The following IARS1 variants were observed in gnomAD, a reference collection of about 807,000 sequenced individuals.
The protein encoded by IARS1 is isoleucine--tRNA ligase, cytoplasmic.
In IARS1, 124 loss-of-function variants were observed where a neutral mutation model predicts 168.2. The observed-to-expected ratio is 0.74, with a 90% confidence interval of 0.64 to 0.86. The LOEUF (loss-of-function observed/expected upper bound fraction) is 0.86, where lower values mean the gene tolerates loss of function less well. Ranked by LOEUF, IARS1 falls within the 40% of genes least tolerant of loss-of-function variation. The pLI, the probability that IARS1 is intolerant of heterozygous loss-of-function variation, is 0.00. For missense variants in IARS1, 1,452 were observed against 1,515.8 expected, an observed-to-expected ratio of 0.96 and a Z score of 0.70; for synonymous variants, 532 against 529.4, an observed-to-expected ratio of 1.00 and a Z score of -0.07.
intron 15 of IARS1, 83 bp downstream of exon 15, chr9:92,265,397 T>C (rs2133829493): frequency 8.1e-7 from 1 of 1,231,374 alleles, no homozygotes; most frequent in Non-Finnish European, 1.2e-6. Flanking sequence ...GTCACTTCCA[T>C]GTGTGGCTCT....
intron 33 of IARS1, among the ~76,000 whole-genome samples, chr9:92,217,904 A>C (rs921413490): frequency 1.4e-4 from 21 of 152,104 alleles, no homozygotes; most frequent in African/African-American, 4.8e-4. Context: ...AAAAGAGGGA[A>C]TCCTCCCTAA....
intron 5 of IARS1, chr9:92,286,048 T>C (rs1468743913): frequency 4.0e-6 from 2 of 493,940 alleles, no homozygotes; most frequent in Non-Finnish European, 7.3e-6. Context: ...TGATATCGAA[T>C]GATATTTAAC....
rs370721957 is a variant in IARS1, at chr9:92,290,196, C to A, written c.-7-770G>T. 1.8e-4 allele frequency among the ~76,000 whole-genome samples: 28 copies of A among 152,284 alleles called. No individual in the cohort carries two copies. The East Asian group carries it at 3.9e-3, about 21-fold the overall frequency. On this transcript the variant is annotated intron_variant, in intron 1 of 33. Transcript: ENST00000443024. ...CAGCAGTGAATGAGGATTCTAATTT[C>A]TTCAGATCTTACCCAACACATCTTA...
chr9:92,263,483 T>C (rs1369906873), intron 16 of IARS1, among the ~76,000 whole-genome samples: 1 of 152,236 alleles, frequency 6.6e-6, no homozygotes, highest in Admixed American at 6.5e-5. Flanking sequence ...TAGAAAATGC[T>C]TTTATTCTGT....
intron 30 of IARS1, chr9:92,240,192 T>A (rs117268222): frequency 1.3e-5 from 2 of 157,650 alleles, no homozygotes; most frequent in Admixed American, 1.2e-4. Context: ...GCAGGAGGAA[T>A]AGGGAAAACT....
At chr9:92,265,345 G>T in intron 15 of IARS1, 135 bp downstream of exon 15, 1 of 870,708 alleles carries the variant, frequency 1.1e-6, no homozygotes, top group African/African-American at 1.7e-5. Context: ...CCACAATACT[G>T]CAATATGACA....
At chr9:92,258,572 A>G (rs958233275) in intron 19 of IARS1, among the ~76,000 whole-genome samples, 1 of 152,042 alleles carries the variant, frequency 6.6e-6, no homozygotes, top group Non-Finnish European at 1.5e-5. Flanking sequence ...TCTGGGTGAC[A>G]AGACTGAGAC....
Position 92,258,906 on chromosome 9 carries a change from G to C in IARS1, c.1964C>G (p.Pro655Arg). ...VRDVLKDVLLPWYNAYRFLIQ... is the reference protein window; with the variant it reads ...VRDVLKDVLLRWYNAYRFLIQ... ...TAAGAAGCGATAGGCATTGTACCAT[G>C]GGAGCAGTACATCCTTAAGGACGTC... The change falls in exon 19 of 34, where the codon CCA (proline) becomes CGA (arginine). Residue 655 changes from proline to arginine, a missense_variant. Transcript: ENST00000443024. The C allele has an allele frequency of 1.2e-6, 2 of 1,613,972 alleles. No individual in the cohort carries two copies. Among genetic ancestry groups the C allele is most frequent in the Non-Finnish European group, 8.5e-7 (1 of 1,179,954 alleles).
At chr9:92,257,409 T>C (rs761915568) in intron 19 of IARS1, among the ~76,000 whole-genome samples, 3 of 152,188 alleles carry the variant, frequency 2.0e-5, no homozygotes, top group Non-Finnish European at 2.9e-5. Context: ...GTCTTGCTGG[T>C]ATATTCAGAT....
rs772756323 is a variant in IARS1 at position 92,271,506 on chromosome 9, C to T, written c.1113+27G>A. On this transcript the variant is annotated intron_variant, in intron 11 of 33. Transcript: ENST00000443024. ...AGAGACTAATCAGAAGTAACAGTCACCCTTCTATGCTATATGGATTACAGA... is the reference window on the plus strand; with the variant it reads ...AGAGACTAATCAGAAGTAACAGTCATCCTTCTATGCTATATGGATTACAGA... 14 of 1,612,412 alleles carry T rather than the reference C, an allele frequency of 8.7e-6. No homozygotes were observed. In the South Asian group the frequency reaches 1.1e-4, roughly 13 times the overall value.
intron 30 of IARS1, among the ~76,000 whole-genome samples, 197 bp from the exon 31 acceptor site, chr9:92,229,323 T>A (rs1826272982): frequency 6.6e-6 from 1 of 150,870 alleles, no homozygotes; most frequent in South Asian, 2.1e-4. Flanking sequence ...TATATACATA[T>A]ATATACATAT....
Position 92,242,493 on chromosome 9 carries a change from A to C in IARS1, c.3001-163T>G, listed in dbSNP as rs549579057. 4 of 591,780 alleles carry C rather than the reference A, an allele frequency of 6.8e-6. No homozygotes were observed. The African/African-American group carries it at 7.4e-5, about 11-fold the overall frequency. 36.7% of individuals were successfully genotyped at this position (591,780 alleles called of 1,614,324 possible). A position where few individuals can be genotyped will look rare whatever the true frequency, so the allele number is the denominator to read the frequency against. Reference sequence around the variant, plus strand: ...GTGATCCGTAAGACTAACTGCACTCAGTACATGATTAACTTTGTGTCTTTT... The same window carrying C: ...GTGATCCGTAAGACTAACTGCACTCCGTACATGATTAACTTTGTGTCTTTT... On this transcript the variant is annotated intron_variant, in intron 28 of 33. Transcript: ENST00000443024.
Position 92,250,615 on chromosome 9 carries a change from G to C in IARS1, c.2429+98C>G, listed in dbSNP as rs937160850. The C allele has an allele frequency of 1.5e-5, 20 of 1,336,972 alleles. No individual in the cohort carries two copies. In the African/African-American group the frequency reaches 2.9e-4, roughly 20 times the overall value. The allele number at this position is 1,336,972 out of a possible 1,614,324, so 82.8% of individuals were successfully genotyped here. ...CAGCTGGGGCGGGAGGCAAGGCACA[G>C]ATGGAGCTGGAGCAGGGAAATCCCT... is the stretch of plus-strand genomic sequence containing the variant. On this transcript the variant is annotated intron_variant, in intron 23 of 33. Transcript: ENST00000443024.
In IARS1 at chr9:92,211,611, C is replaced by T. The variant is rs1001070256; in HGVS notation, c.3707-722G>A. ...CAGACTCCTGGAGCCTTCTGGAGGA[C>T]TATGCCATCACTTCACAGTTTGGCT... is the stretch of plus-strand genomic sequence containing the variant. On this transcript the variant is annotated intron_variant, in intron 33 of 33. Coordinates refer to ENST00000443024, the MANE Select transcript of IARS1 (RefSeq NM_002161.6). 2.0e-5 allele frequency among the ~76,000 whole-genome samples: 3 copies of T among 152,108 alleles called. No individual in the cohort carries two copies. In the East Asian group the frequency reaches 5.8e-4, roughly 29 times the overall value.
intron 20 of IARS1, chr9:92,256,442 G>T: frequency 4.0e-6 from 1 of 247,310 alleles, no homozygotes; most frequent in Non-Finnish European, 7.7e-6. Context: ...GCCTGCCTTG[G>T]TCTCCCAAAA....
chr9:92,263,026 G>A lies in IARS1; in HGVS notation c.1730C>T (p.Ala577Val). Reference protein sequence around the residue: ...WFYTLLVLATALFGQPPFKNV... With the variant: ...WFYTLLVLATVLFGQPPFKNV... ...CTTGAAAGGCGGTTGTCCAAAGAGG[G>A]CCGTGGCCAGCACCAGCAGGGTATA... The change falls in exon 17 of 34, where the codon GCC becomes GTC. Residue 577 changes from alanine to valine, a missense_variant. By Grantham distance (64) the Ala-to-Val change is moderately conservative. Coordinates refer to ENST00000443024, the MANE Select transcript of IARS1 (RefSeq NM_002161.6). The A allele has an allele frequency of 6.2e-7, 1 of 1,613,926 alleles. No individual in the cohort carries two copies.
rs1587691223 is a variant in IARS1 at position 92,218,089 on chromosome 9, C to T, written c.3706+4431G>A. ...AGCTTATCCACCATGATCAAGTGGG[C>T]TTCATCCCTGGGATGCAAGGCTGGT... On this transcript the variant is annotated intron_variant, in intron 33 of 33. Coordinates refer to ENST00000443024, the MANE Select transcript of IARS1 (RefSeq NM_002161.6). 4.6e-5 allele frequency among the ~76,000 whole-genome samples: 7 copies of T among 152,244 alleles called. No homozygotes were observed. In the East Asian group the frequency reaches 1.4e-3, roughly 29 times the overall value.
chr9:92,212,989 A>G (rs10820956), intron 33 of IARS1, among the ~76,000 whole-genome samples: 40,322 of 152,068 alleles, frequency 0.27, 6,632 homozygotes, highest in African/African-American at 0.45. Context: ...ATGAGGCCCA[A>G]TGATGAGATG....
intron 10 of IARS1, among the ~76,000 whole-genome samples, chr9:92,273,210 A>G (rs1463451136): frequency 1.3e-5 from 2 of 152,132 alleles, no homozygotes; most frequent in East Asian, 3.8e-4. Context: ...AGAGTGGGGT[A>G]ACCATACCAG....
Sources: allele counts gnomAD v4.1 joint callset (sites outside exome capture counted in the v4.1 genomes callset), GRCh38; gene constraint gnomAD v4.1.1; transcripts MANE v1.5; gene names NCBI Gene and HGNC (gene_info 2026-07-23, HGNC 2026-07-21).